AP1G1: variants seen among roughly 807,000 people sequenced by gnomAD.
AP1G1 encodes the protein AP-1 complex subunit gamma-1.
A neutral mutation model predicts 108.3 loss-of-function variants in AP1G1; 7 were observed. That is an observed-to-expected ratio of 0.06 (90% CI 0.04 to 0.12). The LOEUF is 0.12. Among genes scored for constraint, AP1G1 ranks in the 10% least tolerant of loss-of-function variants. The pLI, the probability that AP1G1 is intolerant of heterozygous loss-of-function variation, is 1.00. For synonymous variants in AP1G1, 379 were observed against 353.5 expected, an observed-to-expected ratio of 1.07 and a Z score of -0.81; for missense variants, 756 against 1,010.7, an observed-to-expected ratio of 0.75 and a Z score of 3.42.
chr16:71,736,118 ATAT>A (rs1464366575), intron 21 of AP1G1, among the ~76,000 whole-genome samples: 699 of 57,000 alleles, frequency 0.012, 11 homozygotes, highest in South Asian at 0.025. Flanking sequence ...AAAAAAAAAA[ATAT>A]ATATATATAT....
chr16:71,799,426 C>T (rs2032703482), intron 1 of AP1G1, among the ~76,000 whole-genome samples: 1 of 152,094 alleles, frequency 6.6e-6, no homozygotes, highest in African/African-American at 2.4e-5. Flanking sequence ...TATGGTACAT[C>T]CACGCTATAA....
Position 71,748,319 on chromosome 16 carries a change from G to C in AP1G1, c.1557C>G (p.Thr519=). 1 of 1,613,714 alleles carries C rather than the reference G, an allele frequency of 6.2e-7. No homozygotes were observed. Among genetic ancestry groups the C allele is most frequent in the Non-Finnish European group, 8.5e-7 (1 of 1,179,704 alleles). Residue 519 remains threonine (T), a synonymous_variant, in exon 16 of 23, where the codon ACC becomes ACG. Transcript: ENST00000299980. ...LESVLISNMS[T]SVTRGYALTA... ...TGAGGGCATAACCTCGTGTCACAGA[G>C]GTGGACATATTAGAGATTAGGACAC...
intron 1 of AP1G1, among the ~76,000 whole-genome samples, chr16:71,800,370 C>A (rs1474937625): frequency 7.0e-5 from 7 of 99,610 alleles, no homozygotes; most frequent in Admixed American, 2.1e-4. Flanking sequence ...GACTCCCCAT[C>A]TCAAAAAAAA....
At chr16:71,779,875 T>C (rs540511940) in intron 2 of AP1G1, among the ~76,000 whole-genome samples, 65 of 151,976 alleles carry the variant, frequency 4.3e-4, no homozygotes, top group Non-Finnish European at 7.6e-4. Context: ...CCCAGCACTT[T>C]GGGGAGGCCA....
chr16:71,739,131 T>C lies in AP1G1; in HGVS notation c.2108-29A>G, dbSNP rs200938853. ...AGAAAGTACAGGAAGATAAGTCTTATTGTAGTCAGCCTAATGCTTGCAGAA... is the reference window on the plus strand; with the variant it reads ...AGAAAGTACAGGAAGATAAGTCTTACTGTAGTCAGCCTAATGCTTGCAGAA... On this transcript the variant is annotated intron_variant, in intron 20 of 22. Transcript: ENST00000299980. 33 of 1,613,332 alleles carry C rather than the reference T, an allele frequency of 2.0e-5. No homozygotes were observed. In the East Asian group the frequency reaches 6.2e-4, roughly 31 times the overall value.
rs200609642 is a variant in AP1G1, at chr16:71,750,154, T to C, written c.1407+56A>G. The C allele has an allele frequency of 6.9e-6, 11 of 1,594,964 alleles. No homozygotes were observed. The Admixed American group carries it at 1.6e-4, about 23-fold the overall frequency. ...GGGGGGAAAAAAAAGAAGAAAAACA[T>C]ACCAGAAAAATTGAGGGTAAAATTA... On this transcript the variant is annotated intron_variant, in intron 14 of 22. Coordinates refer to ENST00000299980, the MANE Select transcript of AP1G1 (RefSeq NM_001128.6).
chr16:71,744,478 T>C (rs2030055467), intron 19 of AP1G1, among the ~76,000 whole-genome samples: 1 of 151,902 alleles, frequency 6.6e-6, no homozygotes, highest in Admixed American at 6.6e-5. Flanking sequence ...AAACTAACCA[T>C]TAGTGGGAAG....
intron 3 of AP1G1, 82 bp from the exon 4 acceptor site, chr16:71,773,444 A>C: frequency 1.5e-6 from 2 of 1,338,422 alleles, no homozygotes; most frequent in Non-Finnish European, 9.9e-7. Context: ...GTTCAGGATG[A>C]CTCAAGATTT....
intron 2 of AP1G1, among the ~76,000 whole-genome samples, chr16:71,787,897 A>T (rs71386933): frequency 0.11 from 16,029 of 152,268 alleles, 1,001 homozygotes; most frequent in Middle Eastern, 0.19. Flanking sequence ...GAATGCTATT[A>T]TGACACTAAT....
chr16:71,765,612 A>C, intron 6 of AP1G1, 28 bp from the exon 7 acceptor site: 2 of 1,542,362 alleles, frequency 1.3e-6, no homozygotes, highest in Non-Finnish European at 1.8e-6. Flanking sequence ...GCATCAAAAA[A>C]CAGTGAATAT....
intron 2 of AP1G1, among the ~76,000 whole-genome samples, chr16:71,787,727 T>C (rs889900779): frequency 3.9e-5 from 6 of 152,188 alleles, no homozygotes; most frequent in Non-Finnish European, 2.9e-5. Context: ...ACACACAGTA[T>C]ATGGATAACC....
intron 12 of AP1G1, among the ~76,000 whole-genome samples, chr16:71,754,944 T>TAAAGAAG (rs764887309): frequency 6.6e-6 from 1 of 151,994 alleles, no homozygotes; most frequent in Non-Finnish European, 1.5e-5. Flanking sequence ...CAGGAGACGA[T>TAAAGAAG]AAAGAAGAAA....
intron 15 of AP1G1, among the ~76,000 whole-genome samples, chr16:71,749,537 T>C (rs571480946): frequency 2.0e-5 from 3 of 151,726 alleles, no homozygotes; most frequent in East Asian, 1.9e-4. Flanking sequence ...TCTCAAAAAA[T>C]GGCAGGTTTT....
At chr16:71,792,801 T>G (rs1432076081) in intron 1 of AP1G1, among the ~76,000 whole-genome samples, 4 of 149,648 alleles carry the variant, frequency 2.7e-5, no homozygotes, top group Non-Finnish European at 5.9e-5. Context: ...TTGCAGTGAG[T>G]CAAGATCGCA....
At chr16:71,746,843 T>C (rs1218840248) in intron 16 of AP1G1, 151 bp from the exon 17 acceptor site, 13 of 572,724 alleles carry the variant, frequency 2.3e-5, no homozygotes, top group South Asian at 6.6e-5. Context: ...CAAAACACTT[T>C]ACTTTCATCC....
At chr16:71,787,464 T>C (rs537177148) in intron 2 of AP1G1, among the ~76,000 whole-genome samples, 42 of 152,158 alleles carry the variant, frequency 2.8e-4, no homozygotes, top group African/African-American at 8.9e-4. Flanking sequence ...GCATGGGCCA[T>C]AGAGCAAGAC....
At position 71,769,382 on chromosome 16, in the gene AP1G1, T is replaced by C. The variant is rs779637449; in HGVS notation, c.642+241A>G. 1.9e-4 allele frequency: 88 copies of C among 457,150 alleles called. No individual in the cohort carries two copies. In the Middle Eastern group the frequency reaches 2.0e-3, roughly 10 times the overall value. The allele number at this position is 457,150 out of a possible 1,614,324, so 28.3% of individuals were successfully genotyped here. A position where few individuals can be genotyped will look rare whatever the true frequency, so the allele number is the denominator to read the frequency against. On this transcript the variant is annotated intron_variant, in intron 6 of 22. Coordinates refer to ENST00000299980, the MANE Select transcript of AP1G1 (RefSeq NM_001128.6). Reference sequence around the variant, plus strand: ...AAAACAGTAGATAAAACACATGAGATTGGTGTGTCTGCCAACAATGAGAGA... The same window carrying C: ...AAAACAGTAGATAAAACACATGAGACTGGTGTGTCTGCCAACAATGAGAGA...
At chr16:71,781,006 T>C (rs931394646) in intron 2 of AP1G1, among the ~76,000 whole-genome samples, 3 of 152,100 alleles carry the variant, frequency 2.0e-5, no homozygotes, top group African/African-American at 7.2e-5. Context: ...TTTGTAGAGA[T>C]GAGGTCTCAC....
chr16:71,753,833 C>G lies in AP1G1; in HGVS notation c.1284G>C (p.Thr428=), dbSNP rs747894082. Reference sequence around the variant, plus strand: ...ATGCTGTCTGAAAGAAGCTACTTACCGTTGTCAAAACACGCATAATTGTGT... The same window carrying G: ...ATGCTGTCTGAAAGAAGCTACTTACGGTTGTCAAAACACGCATAATTGTGT... ...HIDTIMRVLT[T]AGSYVRDDAV... The change falls in exon 13 of 23, where the codon ACG becomes ACC. Residue 428 remains threonine, a splice_region_variant and synonymous_variant. Coordinates refer to ENST00000299980, the MANE Select transcript of AP1G1 (RefSeq NM_001128.6). 14 of 1,613,572 alleles carry G rather than the reference C, an allele frequency of 8.7e-6. No individual in the cohort carries two copies. Among genetic ancestry groups the G allele is most frequent in the Non-Finnish European group, 1.2e-5 (14 of 1,179,576 alleles).
Sources: allele counts gnomAD v4.1 joint callset (sites outside exome capture counted in the v4.1 genomes callset), GRCh38; gene constraint gnomAD v4.1.1; transcripts MANE v1.5; gene names NCBI Gene and HGNC (gene_info 2026-07-23, HGNC 2026-07-21).